TBC1D8: variants seen among roughly 807,000 people sequenced by gnomAD.
TBC1D8 encodes the protein BUB2-like protein 1.
In TBC1D8, 65 loss-of-function variants were observed where a neutral mutation model predicts 118.8. The ratio of observed to expected loss-of-function variants is 0.55; its 90% CI spans 0.45 to 0.67. The LOEUF is 0.67. Among genes scored for constraint, TBC1D8 ranks in the 30% least tolerant of loss-of-function variants. TBC1D8 has a pLI of 0.00. For synonymous variants in TBC1D8, 566 were observed against 595.8 expected, an observed-to-expected ratio of 0.95 and a Z score of 0.73; for missense variants, 1,376 against 1,471.2, an observed-to-expected ratio of 0.94 and a Z score of 1.06.
At chr2:101,017,795 C>G in intron 17 of TBC1D8, 3 of 1,534,482 alleles carry the variant, frequency 2.0e-6, no homozygotes, top group Non-Finnish European at 2.6e-6. Context: ...AAGCTCAGGA[C>G]TTTTTAATAT....
intron 12 of TBC1D8, 175 bp from the exon 13 acceptor site, chr2:101,028,607 G>A (rs762605799): frequency 2.8e-4 from 264 of 931,594 alleles, no homozygotes; most frequent in Non-Finnish European, 3.6e-4. Flanking sequence ...CATGAAGCCC[G>A]GCTTGTGGAT....
chr2:101,118,684 G>C (rs1677959192), intron 1 of TBC1D8, among the ~76,000 whole-genome samples: 1 of 111,472 alleles, frequency 9.0e-6, no homozygotes, highest in Non-Finnish European at 1.7e-5. Context: ...GCGACAGAAT[G>C]AAACTCCATC....
intron 2 of TBC1D8, among the ~76,000 whole-genome samples, chr2:101,073,260 A>ATT (rs111766054): frequency 1.3e-3 from 195 of 149,732 alleles, no homozygotes; most frequent in African/African-American, 4.6e-3. Flanking sequence ...ACATTGTTTT[A>ATT]TTTTTTTTAT....
In TBC1D8 at chr2:101,054,675, T is replaced by TTTTC. The variant is rs1682303414; in HGVS notation, c.403-340_403-339insGAAA. ...AACAATCATTTTCTTTTCTTTTCTT[T>TTTTC]TTTTTTTTTTTTTTTTTTTTTTTGG... is the stretch of plus-strand genomic sequence containing the variant. On this transcript the variant is annotated intron_variant, in intron 3 of 19. Transcript: ENST00000409318. Among the ~76,000 whole-genome samples the TTTTC allele has an allele frequency of 3.1e-5, 2 of 64,436 alleles. 1 individual carries two copies. The highest frequency in any genetic ancestry group is 6.3e-5 in the Non-Finnish European group (2 of 31,760). 42.3% of individuals were successfully genotyped at this position (64,436 alleles called of 152,430 possible).
chr2:101,034,139 G>A (rs959319068), intron 9 of TBC1D8, among the ~76,000 whole-genome samples: 2 of 152,142 alleles, frequency 1.3e-5, no homozygotes, highest in African/African-American at 4.8e-5. Flanking sequence ...ACTCCAGCCT[G>A]GGCGACAGAG....
intron 2 of TBC1D8, among the ~76,000 whole-genome samples, chr2:101,074,915 G>A (rs1674712209): frequency 6.6e-6 from 1 of 152,134 alleles, no homozygotes; most frequent in Non-Finnish European, 1.5e-5. Context: ...CACCCCTACA[G>A]CCTAAACTGT....
At chr2:101,099,486 G>A (rs957506684) in intron 1 of TBC1D8, among the ~76,000 whole-genome samples, 1 of 152,176 alleles carries the variant, frequency 6.6e-6, no homozygotes, top group Non-Finnish European at 1.5e-5. Flanking sequence ...TTGAAAAGGA[G>A]GGACTCCTCC....
At chr2:101,079,392 G>T (rs930823777) in intron 2 of TBC1D8, among the ~76,000 whole-genome samples, 1 of 152,144 alleles carries the variant, frequency 6.6e-6, no homozygotes, top group South Asian at 2.1e-4. Context: ...TTTTATTCAT[G>T]TATTTATTTA....
intron 2 of TBC1D8, among the ~76,000 whole-genome samples, chr2:101,087,723 G>GAGCT (rs1675733961): frequency 6.6e-6 from 1 of 151,496 alleles, no homozygotes; most frequent in African/African-American, 2.4e-5. Context: ...AGTGAGAACT[G>GAGCT]AGCTAAACAA....
intron 1 of TBC1D8, among the ~76,000 whole-genome samples, chr2:101,146,936 T>C (rs1414253080): frequency 2.0e-5 from 3 of 152,024 alleles, no homozygotes; most frequent in Admixed American, 2.0e-4. Flanking sequence ...AGATTACACA[T>C]ATAAGTGGGA....
chr2:101,095,854 CA>C (rs1365463655), intron 1 of TBC1D8, among the ~76,000 whole-genome samples: 2 of 152,070 alleles, frequency 1.3e-5, no homozygotes, highest in African/African-American at 4.8e-5. Context: ...TTTCTTGTCT[CA>C]TTAGGGATGT....
At chr2:101,035,790 C>T (rs1473625896) in intron 9 of TBC1D8, among the ~76,000 whole-genome samples, 2 of 152,184 alleles carry the variant, frequency 1.3e-5, no homozygotes. Context: ...TGTGCCCAGA[C>T]CTCGCATTTA....
intron 12 of TBC1D8, 44 bp from the exon 13 acceptor site, chr2:101,028,476 G>T (rs1163006958): frequency 6.6e-7 from 1 of 1,517,364 alleles, no homozygotes; most frequent in African/African-American, 1.4e-5. Context: ...TCCTCATTCG[G>T]GTACCACAAC....
chr2:101,056,642 T>G (rs554655670), intron 3 of TBC1D8, among the ~76,000 whole-genome samples: 164 of 152,312 alleles, frequency 1.1e-3, no homozygotes, highest in African/African-American at 3.7e-3. Context: ...TGAGTATTTT[T>G]GAAAAGCATA....
chr2:101,035,924 A>C (rs1012451628), intron 9 of TBC1D8, 94 bp downstream of exon 9: 2 of 1,390,780 alleles, frequency 1.4e-6, no homozygotes, highest in Admixed American at 4.0e-5. Flanking sequence ...GAACCATTTC[A>C]TCTGCACATA....
chr2:101,018,632 G>C (rs1679829399), intron 17 of TBC1D8, among the ~76,000 whole-genome samples: 1 of 152,080 alleles, frequency 6.6e-6, no homozygotes, highest in Non-Finnish European at 1.5e-5. Context: ...GAGCCTATCT[G>C]TGAATAAAAT....
rs78028445 is a variant in TBC1D8 at position 101,050,777 on chromosome 2, G to A, written c.632-136C>T. ...TTTTAAAAAATCTTTTAAGTTCAGG[G>A]ATACAGGGATACACGTGCAGGTTTG... is the stretch of plus-strand genomic sequence containing the variant. On this transcript the variant is annotated intron_variant, in intron 4 of 19. Transcript: ENST00000409318. 3,949 of 1,037,740 alleles carry A rather than the reference G, an allele frequency of 3.8e-3. 52 individuals are homozygous for A. The highest frequency in any genetic ancestry group is 0.035 in the African/African-American group (2,222 of 62,706). 64.3% of individuals were successfully genotyped at this position (1,037,740 alleles called of 1,614,324 possible).
chr2:101,015,260 C>T (rs551898662), intron 17 of TBC1D8, among the ~76,000 whole-genome samples: 1 of 152,164 alleles, frequency 6.6e-6, no homozygotes, highest in Non-Finnish European at 1.5e-5. Context: ...AAATGGTATA[C>T]CTGTATAGAC....
At chr2:101,115,544 A>C (rs1469345926) in intron 1 of TBC1D8, among the ~76,000 whole-genome samples, 2 of 152,206 alleles carry the variant, frequency 1.3e-5, no homozygotes, top group Non-Finnish European at 2.9e-5. Flanking sequence ...TGAGGCCAGG[A>C]GTTCAAGACC....
Sources: gnomAD v4.1 joint callset for allele counts (sites outside exome capture counted in the v4.1 genomes callset) on GRCh38, gnomAD v4.1.1 for gene constraint, MANE v1.5 for transcripts, NCBI Gene and HGNC (gene_info 2026-07-23, HGNC 2026-07-21) for gene names.